The following PLXND1 variants were observed in gnomAD, a reference collection of about 807,000 sequenced individuals.
PLXND1 encodes the protein plexin D1, also known as plexin-D1.
A neutral mutation model predicts 197.7 loss-of-function variants in PLXND1; 54 were observed. The observed-to-expected ratio is 0.27, with a 90% CI of 0.22 to 0.34. PLXND1 has a LOEUF of 0.34. Among genes scored for constraint, PLXND1 ranks in the 10% least tolerant of loss-of-function variants. PLXND1 has a pLI of 1.00. For synonymous variants in PLXND1, 1,180 were observed against 1,161.2 expected, an observed-to-expected ratio of 1.02 and a Z score of -0.33; for missense variants, 2,127 against 2,699.2, an observed-to-expected ratio of 0.79 and a Z score of 4.70.
Position 129,557,212 on chromosome 3 carries a change from G to A in PLXND1, c.5457C>T (p.Thr1819=). The A allele has an allele frequency of 6.2e-7, 1 of 1,614,128 alleles. No individual in the cohort carries two copies. Among genetic ancestry groups the A allele is most frequent in the Non-Finnish European group, 8.5e-7 (1 of 1,180,028 alleles). The change falls in exon 34 of 36, where the codon ACC becomes ACT. Residue 1819 remains threonine (T), a synonymous_variant. Transcript: ENST00000324093. This position sits in a 1 kb window ranked among gnomAD's most constrained non-coding sequence, Gnocchi z 4.8. ...SDLQLGKDSP[T]NKLLYAKEIP... ...TCTCCTTGGCGTAGAGGAGCTTGTT[G>A]GTTGGCGAATCCTGGGCAGAGAAGA...
chr3:129,585,509 G>A (rs1315885569), intron 5 of PLXND1, among the ~76,000 whole-genome samples: 1 of 152,162 alleles, frequency 6.6e-6, no homozygotes, highest in Non-Finnish European at 1.5e-5. Flanking sequence ...GCACCTGGTG[G>A]TCCCTCCCTC....
At chr3:129,596,414 C>A (rs1412209021) in intron 1 of PLXND1, among the ~76,000 whole-genome samples, 1 of 152,192 alleles carries the variant, frequency 6.6e-6, no homozygotes, top group Non-Finnish European at 1.5e-5. Context: ...CACCCAGCTC[C>A]CCCTTCATGA....
intron 22 of PLXND1, 142 bp downstream of exon 22, chr3:129,567,350 G>A: frequency 4.8e-6 from 3 of 627,558 alleles, no homozygotes; most frequent in South Asian, 1.9e-5. Context: ...TGGCAGGCCA[G>A]GGCAAGTGGC....
At chr3:129,565,300 G>A (rs758305668) in intron 25 of PLXND1, 40 bp downstream of exon 25, 71 of 1,571,566 alleles carry the variant, frequency 4.5e-5, no homozygotes, top group Non-Finnish European at 5.5e-5. Flanking sequence ...TCCCTGCCAC[G>A]TCCCCCGCCT....
intron 25 of PLXND1, 60 bp downstream of exon 25, chr3:129,565,280 T>G: frequency 6.9e-7 from 1 of 1,458,430 alleles, no homozygotes; most frequent in Non-Finnish European, 9.6e-7. Flanking sequence ...GTGGGGTCAC[T>G]GCCGCTGAGT....
rs764193359 is a variant in PLXND1 at position 129,560,639 on chromosome 3, C to T, written c.5028+50G>A. The T allele has an allele frequency of 7.8e-6, 11 of 1,411,138 alleles. No homozygotes were observed. In the South Asian group the frequency reaches 1.3e-4, roughly 16 times the overall value. The allele number at this position is 1,411,138 out of a possible 1,614,324, so 87.4% of individuals were successfully genotyped here. A position where few individuals can be genotyped will look rare whatever the true frequency, so the allele number is the denominator to read the frequency against. The stretch of plus-strand genomic sequence containing the variant: ...GGCCCAGGGCCACAGAAAGCCAAGG[C>T]CACACCCACTGAGGGGCTGGATCCC... On this transcript the variant is annotated intron_variant, in intron 30 of 35. Coordinates refer to ENST00000324093, the MANE Select transcript of PLXND1 (RefSeq NM_015103.3).
At chr3:129,574,250 G>T in intron 12 of PLXND1, 86 bp downstream of exon 12, 1 of 1,305,070 alleles carries the variant, frequency 7.7e-7, no homozygotes, top group Middle Eastern at 2.7e-4. Flanking sequence ...TGCCGTTTGG[G>T]TCCCCAAGAA....
chr3:129,590,566 C>T (rs908099460), intron 1 of PLXND1, among the ~76,000 whole-genome samples: 18 of 152,190 alleles, frequency 1.2e-4, no homozygotes, highest in African/African-American at 3.4e-4. Context: ...CCCGCAGTGA[C>T]GCCATAAGCC....
Position 129,605,835 on chromosome 3 carries a change from G to T in PLXND1, c.805C>A (p.Gln269Lys). 1 of 1,612,870 alleles carries T rather than the reference G, an allele frequency of 6.2e-7. No individual in the cohort carries two copies. Among genetic ancestry groups the T allele is most frequent in the Non-Finnish European group, 8.5e-7 (1 of 1,179,622 alleles). ...AGCTTGTGCTGCTCCTTGGCGCCCT[G>T]CTTGATCTTGAGGATGTTGTCGTCG... ...PSDDNILKIK[Q>K]GAKEQHKLGF... The change falls in exon 1 of 36, where the codon CAG (glutamine) becomes AAG (lysine). Residue 269 changes from glutamine to lysine, a missense_variant. Around this residue, in one of 6 missense-constraint regions of PLXND1, gnomAD observed 1,095 missense variants for 1,259.8 expected, o/e 0.87. Transcript: ENST00000324093.
In PLXND1 at chr3:129,586,077, T is replaced by C; in HGVS notation, c.1726A>G (p.Thr576Ala). The C allele has an allele frequency of 6.2e-7, 1 of 1,613,800 alleles. No individual in the cohort carries two copies. The highest frequency in any genetic ancestry group is 8.5e-7 in the Non-Finnish European group (1 of 1,179,944). The part of the protein sequence containing the change: ...CGWCALETRC[T>A]LQQDCTNSSQ... Reference sequence around the variant, plus strand: ...GAATTGGTGCAGTCCTGCTGCAAGGTGCACCTGGGGTGGCACCGCAGGGTC... The same window carrying C: ...GAATTGGTGCAGTCCTGCTGCAAGGCGCACCTGGGGTGGCACCGCAGGGTC... The change falls in exon 5 of 36, where the codon ACC becomes GCC. Residue 576 changes from threonine to alanine, a missense_variant. By Grantham distance (58) the Thr-to-Ala change is moderately conservative. This residue lies in a region of PLXND1 where 1,095 missense variants were observed against 1,259.8 expected (regional missense o/e 0.87). Transcript: ENST00000324093.
At chr3:129,583,969 G>C (rs1449846720) in intron 7 of PLXND1, among the ~76,000 whole-genome samples, 156 bp downstream of exon 7, 1 of 152,190 alleles carries the variant, frequency 6.6e-6, no homozygotes, top group African/African-American at 2.4e-5. Context: ...ATTTATTGTA[G>C]AATGAATAAA....
At chr3:129,567,937 C>T (rs2085166834) in intron 20 of PLXND1, 132 bp from the exon 21 acceptor site, 1 of 482,158 alleles carries the variant, frequency 2.1e-6, no homozygotes, top group Admixed American at 3.7e-5. Context: ...GTCCTCCCTC[C>T]TGGGCAGGGT....
At chr3:129,603,415 C>T (rs893965283) in intron 1 of PLXND1, among the ~76,000 whole-genome samples, 4 of 152,204 alleles carry the variant, frequency 2.6e-5, no homozygotes. Flanking sequence ...CACAGATCAG[C>T]TTACACCAAA....
chr3:129,604,795 C>A (rs1029145061), intron 1 of PLXND1, among the ~76,000 whole-genome samples: 1 of 152,236 alleles, frequency 6.6e-6, no homozygotes, highest in Non-Finnish European at 1.5e-5. Flanking sequence ...CTGCCCTGTG[C>A]GTCTTCAGGC....
Position 129,575,449 on chromosome 3 carries a change from G to A in PLXND1, c.2530+20C>T, listed in dbSNP as rs1219570159. The A allele has an allele frequency of 6.7e-7, 1 of 1,489,642 alleles. No individual in the cohort carries two copies. Among genetic ancestry groups the A allele is most frequent in the Non-Finnish European group, 9.2e-7 (1 of 1,090,806 alleles). The allele number at this position is 1,489,642 out of a possible 1,614,324, so 92.3% of individuals were successfully genotyped here. A position where few individuals can be genotyped will look rare whatever the true frequency, so the allele number is the denominator to read the frequency against. Reference sequence around the variant, plus strand: ...TGCACTGAGGCCCCGAGGCCATGTGGGGCGGGTGGGGGTGCCCACCTGTCA... The same window carrying A: ...TGCACTGAGGCCCCGAGGCCATGTGAGGCGGGTGGGGGTGCCCACCTGTCA... On this transcript the variant is annotated intron_variant, in intron 11 of 35. Coordinates refer to ENST00000324093, the MANE Select transcript of PLXND1 (RefSeq NM_015103.3).
rs2085789979 is a variant in PLXND1 at position 129,606,140 on chromosome 3, G to T, written c.500C>A (p.Ala167Glu). The T allele has an allele frequency of 6.6e-7, 1 of 1,508,600 alleles. No individual in the cohort carries two copies. Among genetic ancestry groups the T allele is most frequent in the Non-Finnish European group, 8.8e-7 (1 of 1,136,158 alleles). 93.5% of individuals were successfully genotyped at this position (1,508,600 alleles called of 1,614,324 possible). ...SAVAVRFPPA[A>E]PPAEPVTVFP... ...CACCGTGACGGGCTCGGCGGGCGGC[G>T]CGGCGGGCGGGAAGCGCACGGCCAC... is the stretch of plus-strand genomic sequence containing the variant. Residue 167 changes from alanine (A) to glutamate (E), a missense_variant, in exon 1 of 36, where the codon GCG (alanine) becomes GAG (glutamate). Coordinates refer to ENST00000324093, the MANE Select transcript of PLXND1 (RefSeq NM_015103.3).
intron 1 of PLXND1, among the ~76,000 whole-genome samples, chr3:129,595,921 G>GCGCACACACACACACACACACACA (rs138452605): frequency 4.8e-5 from 7 of 146,410 alleles, no homozygotes; most frequent in East Asian, 2.1e-4. Context: ...GTGCACGCAC[G>GCGCACACACACACACACACACACA]CACACACACA....
chr3:129,564,012 GA>G (rs1367497829), intron 25 of PLXND1, among the ~76,000 whole-genome samples: 2 of 152,244 alleles, frequency 1.3e-5, no homozygotes, highest in African/African-American at 2.4e-5. Context: ...CCTAGAGGAG[GA>G]AACAGGCTCA....
chr3:129,573,969 G>A (rs536747895), intron 12 of PLXND1, among the ~76,000 whole-genome samples: 8 of 152,326 alleles, frequency 5.3e-5, no homozygotes, highest in Non-Finnish European at 7.3e-5. Context: ...GCCTGGGGAC[G>A]CTACTTAGGG....
Sources: allele counts gnomAD v4.1 joint callset (sites outside exome capture counted in the v4.1 genomes callset), GRCh38; gene constraint gnomAD v4.1.1; regional missense constraint gnomAD v4.1.1; non-coding constraint Gnocchi (gnomAD v3.1); transcripts MANE v1.5; gene names NCBI Gene and HGNC (gene_info 2026-07-23, HGNC 2026-07-21).